Variants in ELAVL1 observed in about 807,000 individuals in gnomAD.
ELAVL1 encodes the protein ELAV-like protein 1.
In ELAVL1, 1 loss-of-function variant was observed where a neutral mutation model predicts 28.4. The ratio of observed to expected loss-of-function variants is 0.04; its 90% CI spans 0.01 to 0.17. The LOEUF (loss-of-function observed/expected upper bound fraction) is 0.17, where lower values mean the gene tolerates loss of function less well. Among genes scored for constraint, ELAVL1 ranks in the 10% least tolerant of loss-of-function variants. The pLI is 1.00. For missense variants in ELAVL1, 157 were observed against 447.2 expected (o/e 0.35, Z 5.85); for synonymous variants, 174 against 183.5 (o/e 0.95, Z 0.42).
At chr19:7,992,326 C>T (rs2145223434) in intron 1 of ELAVL1, among the ~76,000 whole-genome samples, 1 of 152,308 alleles carries the variant, frequency 6.6e-6, no homozygotes, top group East Asian at 1.9e-4. Context: ...CGGCTTCACT[C>T]ATAATTGCCA....
chr19:7,998,573 C>T (rs1017001015), intron 1 of ELAVL1, among the ~76,000 whole-genome samples: 1 of 152,218 alleles, frequency 6.6e-6, no homozygotes, highest in Non-Finnish European at 1.5e-5. Flanking sequence ...CAATATGCTA[C>T]AGGCCTCTGC....
intron 1 of ELAVL1, among the ~76,000 whole-genome samples, chr19:7,992,625 G>A (rs754906325): frequency 1.4e-4 from 22 of 152,186 alleles, no homozygotes; most frequent in Non-Finnish European, 2.9e-4. Flanking sequence ...GGGATTGTCA[G>A]GGTTTTAGGG....
chr19:7,978,704 A>T (rs1368220606), intron 3 of ELAVL1, among the ~76,000 whole-genome samples: 2 of 152,094 alleles, frequency 1.3e-5, no homozygotes, highest in African/African-American at 4.8e-5. Context: ...GGTGGCGGGA[A>T]CCCTGAATTT....
At chr19:7,967,850 G>A in intron 4 of ELAVL1, 60 bp from the exon 5 acceptor site, 1 of 1,569,280 alleles carries the variant, frequency 6.4e-7, no homozygotes, top group Non-Finnish European at 8.7e-7. Context: ...TTTCAAAACT[G>A]AAAAGCAAAA....
At chr19:7,971,160 T>C (rs1469921545) in intron 4 of ELAVL1, among the ~76,000 whole-genome samples, 1 of 152,198 alleles carries the variant, frequency 6.6e-6, no homozygotes, top group Non-Finnish European at 1.5e-5. Flanking sequence ...TGGGAGACAC[T>C]ATCTTGCAGA....
At chr19:7,996,812 C>G (rs1473331055) in intron 1 of ELAVL1, among the ~76,000 whole-genome samples, 1 of 152,010 alleles carries the variant, frequency 6.6e-6, no homozygotes, top group Non-Finnish European at 1.5e-5. Flanking sequence ...GACTCCATCT[C>G]CAAAAACCAA....
At chr19:7,994,862 GGAGGATCGCTT>G (rs1805047457) in intron 1 of ELAVL1, among the ~76,000 whole-genome samples, 1 of 152,196 alleles carries the variant, frequency 6.6e-6, no homozygotes, top group Non-Finnish European at 1.5e-5. Flanking sequence ...ACAAAGGCAG[GGAGGATCGCTT>G]GAGCCCAGGA....
chr19:7,968,144 G>A (rs1017200821), intron 4 of ELAVL1, among the ~76,000 whole-genome samples: 6 of 152,214 alleles, frequency 3.9e-5, no homozygotes, highest in African/African-American at 7.2e-5. Context: ...CCAGGTGTCC[G>A]CCACAGAGTG....
intron 2 of ELAVL1, among the ~76,000 whole-genome samples, chr19:7,987,882 C>T (rs1208369321): frequency 6.6e-6 from 1 of 152,208 alleles, no homozygotes. Context: ...GCATCTGACA[C>T]TTGGGCCAAG....
At chr19:8,005,282 G>A (rs1265425126) in intron 1 of ELAVL1, among the ~76,000 whole-genome samples, 2 of 151,450 alleles carry the variant, frequency 1.3e-5, no homozygotes, top group Non-Finnish European at 2.9e-5. Context: ...CGAGGCGCCA[G>A]AGGAATCCGG....
intron 2 of ELAVL1, 28 bp downstream of exon 2, chr19:7,991,616 G>A: frequency 2.5e-6 from 4 of 1,596,264 alleles, no homozygotes; most frequent in Non-Finnish European, 3.4e-6. Context: ...CCAATACCCG[G>A]TTTACTAAAA....
At chr19:7,990,551 A>G (rs1042360093) in intron 2 of ELAVL1, among the ~76,000 whole-genome samples, 5 of 150,388 alleles carry the variant, frequency 3.3e-5, no homozygotes, top group Admixed American at 1.3e-4. Flanking sequence ...TATTTTTCGT[A>G]AAGATGGGGT....
intron 3 of ELAVL1, among the ~76,000 whole-genome samples, chr19:7,977,790 G>T (rs1985341063): frequency 6.6e-6 from 1 of 152,264 alleles, no homozygotes; most frequent in South Asian, 2.1e-4. Flanking sequence ...CAGAGCCCAG[G>T]ATGAGCACAA....
intron 1 of ELAVL1, among the ~76,000 whole-genome samples, chr19:8,004,082 G>C (rs562472222): frequency 6.6e-6 from 1 of 152,132 alleles, no homozygotes; most frequent in African/African-American, 2.4e-5. Context: ...CTCTAAAATG[G>C]AAATTAATGG....
chr19:7,984,240 T>G (rs1408990492), intron 2 of ELAVL1, among the ~76,000 whole-genome samples: 1 of 152,142 alleles, frequency 6.6e-6, no homozygotes, highest in African/African-American at 2.4e-5. Context: ...GAGTTAGTGA[T>G]GCATGACAGA....
At chr19:7,973,684 T>A in intron 4 of ELAVL1, 41 bp downstream of exon 4, 1 of 1,590,890 alleles carries the variant, frequency 6.3e-7, no homozygotes, top group Non-Finnish European at 8.6e-7. Flanking sequence ...AGCCCCCACC[T>A]AGAGAACACC....
In ELAVL1 at chr19:7,963,543, G is replaced by A; in HGVS notation, c.921C>T (p.Gly307=). Residue 307 remains glycine, a synonymous_variant, in exon 6 of 6, where the codon GGC becomes GGT. Transcript: ENST00000407627. The surrounding 1 kb of genome is among the most constrained non-coding windows in gnomAD (Gnocchi z 4.5). The part of the protein sequence containing the change: ...EAAMAIASLN[G]YRLGDKILQV... ...GTAAGATTTTGTCCCCCAGGCGGTA[G>A]CCGTTCAGGCTGGCTATGGCCATCG... 1 of 1,614,032 alleles carries A rather than the reference G, an allele frequency of 6.2e-7. No homozygotes were observed. The highest frequency in any genetic ancestry group is 8.5e-7 in the Non-Finnish European group (1 of 1,179,822).
intron 4 of ELAVL1, among the ~76,000 whole-genome samples, chr19:7,972,158 C>G (rs1212121244): frequency 6.6e-6 from 1 of 152,242 alleles, no homozygotes; most frequent in Non-Finnish European, 1.5e-5. Flanking sequence ...GGAGTGGATT[C>G]TTCCCTGCTG....
intron 1 of ELAVL1, 101 bp from the exon 2 acceptor site, chr19:7,991,932 CTTTTTTT>C (rs398033838): frequency 7.7e-6 from 5 of 647,480 alleles, no homozygotes; most frequent in African/African-American, 2.1e-5. Context: ...TTCTTTCTTT[CTTTTTTT>C]TTTTTTTTGT....
Sources: allele counts gnomAD v4.1 joint callset (sites outside exome capture counted in the v4.1 genomes callset), GRCh38; gene constraint gnomAD v4.1.1; non-coding constraint Gnocchi (gnomAD v3.1); transcripts MANE v1.5; gene names NCBI Gene and HGNC (gene_info 2026-07-23, HGNC 2026-07-21).